ZER1: variants seen among roughly 807,000 people sequenced by gnomAD.
The protein encoded by ZER1 is protein zer-1 homolog.
ZER1 carries 11 observed loss-of-function variants against 78.8 expected under a neutral mutation model. That is an observed-to-expected ratio of 0.14 (90% CI 0.09 to 0.23). The LOEUF (loss-of-function observed/expected upper bound fraction) is 0.23, where lower values mean the gene tolerates loss of function less well. Ranked by LOEUF, ZER1 falls within the 10% of genes least tolerant of loss-of-function variation. The pLI is 1.00. For synonymous variants in ZER1, 400 were observed against 407.0 expected (o/e 0.98, Z 0.21); for missense variants, 588 against 996.9 (o/e 0.59, Z 5.52).
rs1863764187 is a variant in ZER1, at chr9:128,753,727, TG to T, written c.309+81del. ...CAGTCACGGTGCACACTGGCTGGGC[TG>T]GGGATGGCTGGGCTGGAGGCGAGCA... On this transcript the variant is annotated intron_variant, in intron 3 of 15. Coordinates refer to ENST00000291900, the MANE Select transcript of ZER1 (RefSeq NM_006336.4). This position sits in a 1 kb window ranked among gnomAD's most constrained non-coding sequence, Gnocchi z 7.5. The T allele has an allele frequency of 1.3e-6, 2 of 1,560,460 alleles. No individual in the cohort carries two copies. Among genetic ancestry groups the T allele is most frequent in the South Asian group, 1.2e-5 (1 of 83,920 alleles).
At position 128,755,453 on chromosome 9, in the gene ZER1, G is replaced by T. The variant is rs540575103; in HGVS notation, c.113C>A (p.Pro38Gln). 1 of 1,614,008 alleles carries T rather than the reference G, an allele frequency of 6.2e-7. No individual in the cohort carries two copies. Among genetic ancestry groups the T allele is most frequent in the South Asian group, 1.1e-5 (1 of 91,068 alleles). ...GATCTCGCTGGGCAAGAAGATGTCC[G>T]GATGTAGCCGCAGGGTCTCCTTGTC... ...LLDKETLRLH[P>Q]DIFLPSEICD... Residue 38 changes from proline to glutamine, a missense_variant, in exon 2 of 16, where the codon CCG (proline) becomes CAG (glutamine). Pro to Gln is a moderately conservative substitution (Grantham distance 76). Around this residue, in one of 3 missense-constraint regions of ZER1, gnomAD observed 406 missense variants for 660.1 expected, o/e 0.62. Transcript: ENST00000291900. The surrounding 1 kb of genome is among the most constrained non-coding windows in gnomAD (Gnocchi z 5.6).
In ZER1 at chr9:128,753,562, C is replaced by T. The variant is rs765357824; in HGVS notation, c.348G>A (p.Leu116=). 2.5e-6 allele frequency: 4 copies of T among 1,613,818 alleles called. No homozygotes were observed. In the Admixed American group the frequency reaches 5.0e-5, roughly 20 times the overall value. ...VELYLTNCEK[L]SAKSLQTLRS... ...TCAGTGTCTGCAGGCTCTTGGCGGA[C>T]AGCTTCTCGCAGTTAGTCAGGTACA... Residue 116 remains leucine (L), a synonymous_variant, in exon 4 of 16, where the codon CTG becomes CTA. Coordinates refer to ENST00000291900, the MANE Select transcript of ZER1 (RefSeq NM_006336.4). The surrounding 1 kb of genome is among the most constrained non-coding windows in gnomAD (Gnocchi z 7.5).
chr9:128,751,194 G>A lies in ZER1; in HGVS notation c.1113C>T (p.Thr371=). 1 of 1,609,702 alleles carries A rather than the reference G, an allele frequency of 6.2e-7. No individual in the cohort carries two copies. Among genetic ancestry groups the A allele is most frequent in the Non-Finnish European group, 8.5e-7 (1 of 1,176,486 alleles). The change falls in exon 7 of 16, where the codon ACC becomes ACT. Residue 371 remains threonine, a synonymous_variant. Coordinates refer to ENST00000291900, the MANE Select transcript of ZER1 (RefSeq NM_006336.4). The surrounding 1 kb of genome is among the most constrained non-coding windows in gnomAD (Gnocchi z 5.4). The part of the protein sequence containing the change: ...EAYTEHRPEI[T]SRAINLLFDI... ...CAAAAAGCAAGTTGATGGCCCGCGA[G>A]GTGATCTCAGGCCGGTGCTCCGTGT...
chr9:128,757,476 T>C (rs1208677782), intron 1 of ZER1, among the ~76,000 whole-genome samples: 1 of 151,760 alleles, frequency 6.6e-6, no homozygotes, highest in Non-Finnish European at 1.5e-5. Flanking sequence ...GAGCTGTGAT[T>C]GCACCACCGC....
intron 8 of ZER1, among the ~76,000 whole-genome samples, chr9:128,743,960 G>A (rs552792385): frequency 7.3e-6 from 1 of 137,432 alleles, no homozygotes. Flanking sequence ...GTGCAGTGGC[G>A]TGATCTCAGC....
intron 13 of ZER1, among the ~76,000 whole-genome samples, chr9:128,736,305 C>T (rs1177033522): frequency 1.3e-5 from 2 of 151,962 alleles, no homozygotes; most frequent in Non-Finnish European, 2.9e-5. Context: ...AGGTTGGTTT[C>T]GAACTCCTGA....
At chr9:128,769,923 A>G (rs1864331486) in intron 1 of ZER1, among the ~76,000 whole-genome samples, 1 of 152,122 alleles carries the variant, frequency 6.6e-6, no homozygotes, top group South Asian at 2.1e-4. Flanking sequence ...ATCTAAAACA[A>G]ATCTGTATTT....
At chr9:128,765,778 C>A (rs1242934996) in intron 1 of ZER1, among the ~76,000 whole-genome samples, 1 of 152,156 alleles carries the variant, frequency 6.6e-6, no homozygotes, top group Non-Finnish European at 1.5e-5. Context: ...GGAGTCACAG[C>A]AAGTGTGGGG....
chr9:128,734,700 T>G (rs1863000537), intron 14 of ZER1, among the ~76,000 whole-genome samples: 2 of 152,068 alleles, frequency 1.3e-5, no homozygotes, highest in Non-Finnish European at 2.9e-5. Context: ...AAGATGGTGA[T>G]CCTTTGAGGA....
intron 1 of ZER1, among the ~76,000 whole-genome samples, chr9:128,768,178 A>G (rs1448767035): frequency 6.6e-6 from 1 of 152,186 alleles, no homozygotes; most frequent in Non-Finnish European, 1.5e-5. Context: ...GATATAAGAC[A>G]GTGGTCCACA....
intron 1 of ZER1, among the ~76,000 whole-genome samples, chr9:128,768,868 T>C (rs984634956): frequency 6.6e-6 from 1 of 152,164 alleles, no homozygotes; most frequent in Non-Finnish European, 1.5e-5. Context: ...CCTCCCCACC[T>C]GTCTCCAAGT....
chr9:128,741,102 G>A (rs1441490834), intron 11 of ZER1, among the ~76,000 whole-genome samples: 1 of 152,194 alleles, frequency 6.6e-6, no homozygotes, highest in Non-Finnish European at 1.5e-5. Context: ...CAAAGACAAA[G>A]GTTGATTAGA....
intron 13 of ZER1, among the ~76,000 whole-genome samples, chr9:128,739,405 G>C (rs1863211215): frequency 6.6e-6 from 1 of 151,808 alleles, no homozygotes; most frequent in Non-Finnish European, 1.5e-5. Context: ...CTGAGGCTGA[G>C]GCAGGAAAAT....
chr9:128,762,166 C>T (rs112844175), intron 1 of ZER1, among the ~76,000 whole-genome samples: 8 of 150,382 alleles, frequency 5.3e-5, no homozygotes, highest in African/African-American at 1.5e-4. Context: ...TTTTACGTGT[C>T]GCCCAAGACA....
At position 128,750,477 on chromosome 9, in the gene ZER1, AAG is replaced by A. The variant is rs909701212; in HGVS notation, c.1359+137_1359+138del. The stretch of plus-strand genomic sequence containing the variant: ...TGGACTGTGGGAAGGGCCAGGTCCC[AAG>A]AGTCAGGGAGTGCTGCTGTGGGAAA... On this transcript the variant is annotated intron_variant, in intron 8 of 15. Coordinates refer to ENST00000291900, the MANE Select transcript of ZER1 (RefSeq NM_006336.4). The A allele has an allele frequency of 6.9e-6, 7 of 1,014,066 alleles. No homozygotes were observed. In the Admixed American group the frequency reaches 1.2e-4, roughly 18 times the overall value. 62.8% of individuals were successfully genotyped at this position (1,014,066 alleles called of 1,614,324 possible).
At position 128,732,081 on chromosome 9, in the gene ZER1, G is replaced by A. The variant is rs1862846975; in HGVS notation, c.2244-687C>T. ...AAAGGGATGCCCCAATACCTTTTAG[G>A]AAACAAATACCCAGAGTGGGAGAGA... On this transcript the variant is annotated intron_variant, in intron 15 of 15. Transcript: ENST00000291900. The surrounding 1 kb of genome is among the most constrained non-coding windows in gnomAD (Gnocchi z 4.8). 6.6e-6 allele frequency among the ~76,000 whole-genome samples: 1 copy of A among 152,246 alleles called. No individual in the cohort carries two copies. The highest frequency in any genetic ancestry group is 2.4e-5 in the African/African-American group (1 of 41,464).
At chr9:128,771,209 C>T (rs1864373568) in intron 1 of ZER1, among the ~76,000 whole-genome samples, 3 of 152,164 alleles carry the variant, frequency 2.0e-5, no homozygotes, top group Admixed American at 2.0e-4. Flanking sequence ...TTGGATTTCC[C>T]TATACTTTGT....
intron 8 of ZER1, among the ~76,000 whole-genome samples, chr9:128,747,925 T>C (rs1203677178): frequency 6.6e-6 from 1 of 152,178 alleles, no homozygotes; most frequent in African/African-American, 2.4e-5. Flanking sequence ...GGCTTAAGCA[T>C]TAGATATCTT....
intron 14 of ZER1, among the ~76,000 whole-genome samples, chr9:128,734,541 C>A (rs2132387228): frequency 6.6e-6 from 1 of 151,542 alleles, no homozygotes; most frequent in Middle Eastern, 3.4e-3. Flanking sequence ...GCTGTGTTGC[C>A]TGTGCTGGTC....
Sources: allele counts gnomAD v4.1 joint callset (sites outside exome capture counted in the v4.1 genomes callset), GRCh38; gene constraint gnomAD v4.1.1; regional missense constraint gnomAD v4.1.1; non-coding constraint Gnocchi (gnomAD v3.1); transcripts MANE v1.5; gene names NCBI Gene and HGNC (gene_info 2026-07-23, HGNC 2026-07-21).